The following ZNF92 variants were observed in gnomAD, a reference collection of about 807,000 sequenced individuals.
ZNF92 encodes zinc finger protein 92, also known as epididymis luminal protein 203.
A neutral mutation model predicts 12.4 loss-of-function variants in ZNF92; 11 were observed. The observed-to-expected ratio is 0.89, with a 90% confidence interval of 0.56 to 1.47. The LOEUF is 1.47. Ranked by LOEUF, ZNF92 falls within the 40% of genes most tolerant of loss-of-function variation. The pLI, the probability that ZNF92 is intolerant of heterozygous loss-of-function variation, is 0.00. For synonymous variants in ZNF92, 206 were observed against 228.6 expected, an observed-to-expected ratio of 0.90 and a Z score of 0.89; for missense variants, 622 against 681.0, an observed-to-expected ratio of 0.91 and a Z score of 0.96.
chr7:65,374,035 G>A, intron 1 of ZNF92, 35 bp downstream of exon 1: 2 of 1,614,018 alleles, frequency 1.2e-6, no homozygotes, highest in Non-Finnish European at 1.7e-6. Flanking sequence ...CGAGAGAGGG[G>A]GAGGGTCTGG....
rs1243402926 is a variant in ZNF92 at position 65,399,104 on chromosome 7, A to G, written c.990A>G (p.Lys330=). The part of the protein sequence containing the change: ...KAFRVFSILK[K]HKIIHTGEKP... ...TTAGAGTATTCTCAATTCTTAAAAA[A>G]CATAAGATAATCCATACTGGGGAAA... The change falls in exon 4 of 4, where the codon AAA becomes AAG. Residue 330 remains lysine, a synonymous_variant. Coordinates refer to ENST00000328747, the MANE Select transcript of ZNF92 (RefSeq NM_152626.4). The G allele has an allele frequency of 1.2e-6, 2 of 1,612,736 alleles. No individual in the cohort carries two copies. Among genetic ancestry groups the G allele is most frequent in the Non-Finnish European group, 1.7e-6 (2 of 1,179,398 alleles).
intron 3 of ZNF92, among the ~76,000 whole-genome samples, chr7:65,393,441 T>A (rs562961145): frequency 6.6e-6 from 1 of 151,944 alleles, no homozygotes; most frequent in East Asian, 1.9e-4. Context: ...CCTTTTGGCT[T>A]TTGTGAATAC....
chr7:65,382,168 G>T (rs1793437579), intron 1 of ZNF92, among the ~76,000 whole-genome samples: 1 of 151,930 alleles, frequency 6.6e-6, no homozygotes, highest in Admixed American at 6.6e-5. Flanking sequence ...GTATAACATG[G>T]TACTGTAAAT....
chr7:65,382,145 T>G (rs1355198076), intron 1 of ZNF92, among the ~76,000 whole-genome samples: 1 of 152,040 alleles, frequency 6.6e-6, no homozygotes, highest in African/African-American at 2.4e-5. Context: ...CAGGTGAATT[T>G]AGGATGAACT....
intron 1 of ZNF92, among the ~76,000 whole-genome samples, chr7:65,378,721 G>A (rs71562994): frequency 0.11 from 16,413 of 149,728 alleles, 1,109 homozygotes; most frequent in South Asian, 0.19. Context: ...CAGCCTGGGC[G>A]ACAGAGCAAG....
chr7:65,374,366 C>A (rs912761529), intron 1 of ZNF92, among the ~76,000 whole-genome samples: 2 of 152,048 alleles, frequency 1.3e-5, no homozygotes, highest in Non-Finnish European at 2.9e-5. Context: ...GAGCTTTGGT[C>A]CGTGTGGTTC....
chr7:65,379,106 T>G (rs2116339615), intron 1 of ZNF92, among the ~76,000 whole-genome samples: 1 of 152,188 alleles, frequency 6.6e-6, no homozygotes, highest in Middle Eastern at 3.4e-3. Context: ...TCTATCAAAT[T>G]ATTGAACTGG....
chr7:65,376,279 C>A (rs181069775), intron 1 of ZNF92, among the ~76,000 whole-genome samples: 93 of 151,986 alleles, frequency 6.1e-4, no homozygotes, highest in African/African-American at 2.1e-3. Flanking sequence ...TTTTTTTTTA[C>A]TTATTTTGAC....
chr7:65,392,237 CTAAG>C lies in ZNF92; in HGVS notation c.226+3338_226+3341del, dbSNP rs537311518. Among the ~76,000 whole-genome samples, 14 of 151,784 alleles carry C rather than the reference CTAAG, an allele frequency of 9.2e-5. No individual in the cohort carries two copies. In the East Asian group the frequency reaches 1.9e-3, roughly 21 times the overall value. Reference sequence around the variant, plus strand: ...AGCTGATTTTCAATGGTTGTTTTGTCTAAGTGAGTAGTCATGGAAATAGTCTTTC... The same window carrying C: ...AGCTGATTTTCAATGGTTGTTTTGTCTGAGTAGTCATGGAAATAGTCTTTC... On this transcript the variant is annotated intron_variant, in intron 3 of 3. Transcript: ENST00000328747.
chr7:65,399,359 T>A lies in ZNF92; in HGVS notation c.1245T>A (p.His415Gln). 1 of 1,613,508 alleles carries A rather than the reference T, an allele frequency of 6.2e-7. No homozygotes were observed. Among genetic ancestry groups the A allele is most frequent in the Non-Finnish European group, 8.5e-7 (1 of 1,179,776 alleles). ...AACAGTCCTCAACCCTTACTGAACA[T>A]AAGATAATTCATACTGGAGAGAAAC... ...AFKQSSTLTE[H>Q]KIIHTGEKPY... The change falls in exon 4 of 4, where the codon CAT becomes CAA. Residue 415 changes from histidine (H) to glutamine (Q), a missense_variant. Physicochemically the swap from His to Gln is conservative, Grantham distance 24. Transcript: ENST00000328747.
chr7:65,398,275 A>G (rs1241537739), intron 3 of ZNF92, 66 bp from the exon 4 acceptor site: 2 of 1,326,052 alleles, frequency 1.5e-6, no homozygotes, highest in Non-Finnish European at 2.0e-6. Context: ...TTTATAGGTT[A>G]AATTTGTAAA....
chr7:65,391,020 GT>G (rs1239673312), intron 3 of ZNF92, among the ~76,000 whole-genome samples: 3 of 152,074 alleles, frequency 2.0e-5, no homozygotes, highest in Non-Finnish European at 4.4e-5. Context: ...GAGTCCTTTA[GT>G]TTGCCGCCTG....
At chr7:65,386,650 A>G (rs2116365943) in intron 1 of ZNF92, among the ~76,000 whole-genome samples, 1 of 152,248 alleles carries the variant, frequency 6.6e-6, no homozygotes, top group East Asian at 1.9e-4. Context: ...CTAAAGAAAG[A>G]CTATTTAAAA....
At chr7:65,389,971 AC>A (rs1358924732) in intron 3 of ZNF92, among the ~76,000 whole-genome samples, 1 of 151,944 alleles carries the variant, frequency 6.6e-6, no homozygotes, top group Non-Finnish European at 1.5e-5. Flanking sequence ...AGCTGGGACT[AC>A]AGGTGCGAAC....
At chr7:65,384,824 C>A (rs964376216) in intron 1 of ZNF92, among the ~76,000 whole-genome samples, 4 of 152,060 alleles carry the variant, frequency 2.6e-5, no homozygotes, top group Non-Finnish European at 5.9e-5. Context: ...CAGGGTGTTA[C>A]GAGGATTAAA....
intron 1 of ZNF92, among the ~76,000 whole-genome samples, chr7:65,375,646 G>T (rs1367065107): frequency 1.3e-5 from 2 of 151,570 alleles, no homozygotes; most frequent in African/African-American, 2.4e-5. Flanking sequence ...CCTGGAGATC[G>T]AGACCATCCT....
chr7:65,393,001 C>A (rs1276583169), intron 3 of ZNF92, among the ~76,000 whole-genome samples: 1 of 152,066 alleles, frequency 6.6e-6, no homozygotes, highest in Non-Finnish European at 1.5e-5. Flanking sequence ...CTGCAGTGAG[C>A]CTTAATTGTG....
intron 1 of ZNF92, among the ~76,000 whole-genome samples, chr7:65,378,464 C>T (rs1175781564): frequency 1.3e-5 from 2 of 151,744 alleles, no homozygotes; most frequent in Admixed American, 1.3e-4. Flanking sequence ...TATTTTTGGC[C>T]GGGCGTGGTG....
chr7:65,377,510 G>T (rs1584272749), intron 1 of ZNF92, among the ~76,000 whole-genome samples: 1 of 152,058 alleles, frequency 6.6e-6, no homozygotes, highest in East Asian at 1.9e-4. Context: ...GCAGTTTCTA[G>T]AGGCAGTTTG....
Sources: gnomAD v4.1 joint callset for allele counts (sites outside exome capture counted in the v4.1 genomes callset) on GRCh38, gnomAD v4.1.1 for gene constraint, MANE v1.5 for transcripts, NCBI Gene and HGNC (gene_info 2026-07-23, HGNC 2026-07-21) for gene names.